The following DCAF6 variants were observed in gnomAD, a reference collection of about 807,000 sequenced individuals.
The protein encoded by DCAF6 is DDB1 and CUL4 associated factor 6, also known as DDB1- and CUL4-associated factor 6.
A neutral mutation model predicts 125.1 loss-of-function variants in DCAF6; 54 were observed. That is an observed-to-expected ratio of 0.43 (90% CI 0.35 to 0.54). DCAF6 has a LOEUF of 0.54. Ranked by LOEUF, DCAF6 falls within the 20% of genes least tolerant of loss-of-function variation. DCAF6 has a pLI of 0.01. For synonymous variants in DCAF6, 371 were observed against 390.4 expected (o/e 0.95, Z 0.58); for missense variants, 934 against 1,161.7 (o/e 0.80, Z 2.85).
At chr1:167,905,146 AG>A in the DCAF6 span, 4 of 1,614,246 alleles carry the variant, frequency 2.5e-6, no homozygotes, top group South Asian at 4.4e-5. Context: ...TTCATGTTCA[AG>A]ACAAATGTTC....
At chr1:167,889,199 T>C in the DCAF6 span, among the ~76,000 whole-genome samples, 3 of 152,226 alleles carry the variant, frequency 2.0e-5, no homozygotes, top group African/African-American at 7.2e-5. Flanking sequence ...ATTATGATAC[T>C]AGTGGTCGGT....
chr1:167,957,718 A>C (rs1241465982), intron 2 of DCAF6, among the ~76,000 whole-genome samples: 1 of 152,118 alleles, frequency 6.6e-6, no homozygotes, highest in Non-Finnish European at 1.5e-5. Context: ...ACTGTTTTCC[A>C]AAGAGCTGTA....
At chr1:167,995,446 G>A (rs965529759) in intron 7 of DCAF6, among the ~76,000 whole-genome samples, 3 of 152,208 alleles carry the variant, frequency 2.0e-5, no homozygotes, top group East Asian at 1.9e-4. Flanking sequence ...TTGGGAGGTC[G>A]AGGCGAGTGG....
chr1:167,999,433 C>T (rs1392590793), intron 7 of DCAF6, among the ~76,000 whole-genome samples: 1 of 152,160 alleles, frequency 6.6e-6, no homozygotes, highest in Non-Finnish European at 1.5e-5. Context: ...GCTTTGAAGG[C>T]AGGCATCAGC....
intron 4 of DCAF6, among the ~76,000 whole-genome samples, chr1:167,985,222 G>T (rs1190838709): frequency 7.2e-5 from 11 of 151,794 alleles, no homozygotes; most frequent in Non-Finnish European, 1.5e-4. Flanking sequence ...GTGTGTGTGT[G>T]TGTGGTGTGT....
At chr1:167,942,294 C>T (rs1267689714) in intron 1 of DCAF6, among the ~76,000 whole-genome samples, 2 of 152,076 alleles carry the variant, frequency 1.3e-5, no homozygotes, top group African/African-American at 4.8e-5. Flanking sequence ...GAACTCCTGA[C>T]CTCAGGTGAT....
At chr1:168,065,416 G>T (rs1175059772) in intron 18 of DCAF6, among the ~76,000 whole-genome samples, 174 bp from the exon 19 acceptor site, 1 of 151,872 alleles carries the variant, frequency 6.6e-6, no homozygotes, top group African/African-American at 2.4e-5. Flanking sequence ...CCAAAGTGCT[G>T]GGATTACAGG....
Position 168,045,180 on chromosome 1 carries a change from C to T in DCAF6, c.2211C>T (p.Asp737=). The change falls in exon 16 of 22, where the codon GAC becomes GAT. Residue 737 remains aspartate, a synonymous_variant. Coordinates refer to ENST00000367840, the MANE Select transcript of DCAF6 (RefSeq NM_001198956.2). The part of the protein sequence containing the change: ...ALQDTDDSDD[D]PVLIPGARYR... ...AGGACACAGATGACAGTGATGATGA[C>T]CCAGTCCTGATCCCAGGTGCAAGGT... The T allele has an allele frequency of 6.2e-7, 1 of 1,613,816 alleles. No homozygotes were observed. The highest frequency in any genetic ancestry group is 8.5e-7 in the Non-Finnish European group (1 of 1,179,892).
At position 168,043,060 on chromosome 1, in the gene DCAF6, G is replaced by A. The variant is rs1032606251; in HGVS notation, c.1763G>A (p.Ser588Asn). The change falls in exon 14 of 22, where the codon AGC (serine) becomes AAC (asparagine). Residue 588 changes from serine (S) to asparagine (N), a missense_variant. By Grantham distance (46) the Ser-to-Asn change is conservative. Coordinates refer to ENST00000367840, the MANE Select transcript of DCAF6 (RefSeq NM_001198956.2). Reference protein sequence around the residue: ...SIASSSRGIGSHCKSEGQEES... With the variant: ...SIASSSRGIGNHCKSEGQEES... ...GCATCAAGTTCTAGAGGAATTGGGA[G>A]CCATTGCAAATCTGAGGGTCAGGAG... 6.8e-6 allele frequency: 11 copies of A among 1,612,762 alleles called. No homozygotes were observed. The highest frequency in any genetic ancestry group is 1.7e-5 in the Admixed American group (1 of 59,844).
the DCAF6 span, among the ~76,000 whole-genome samples, chr1:167,928,486 A>G: frequency 6.6e-6 from 1 of 152,214 alleles, no homozygotes; most frequent in Admixed American, 6.5e-5. Context: ...ACATATATAA[A>G]ACAGATACAG....
rs151002295 is a variant in DCAF6, at chr1:168,068,586, TCTAAA to T, written c.2791+127_2791+131del. 3.0e-3 allele frequency: 1,310 copies of T among 432,274 alleles called. 17 individuals are homozygous for T. Among genetic ancestry groups the T allele is most frequent in the African/African-American group, 0.024 (1,186 of 48,796 alleles). 26.8% of individuals were successfully genotyped at this position (432,274 alleles called of 1,614,324 possible). A position where few individuals can be genotyped will look rare whatever the true frequency, so the allele number is the denominator to read the frequency against. On this transcript the variant is annotated intron_variant, in intron 21 of 21. Coordinates refer to ENST00000367840, the MANE Select transcript of DCAF6 (RefSeq NM_001198956.2). ...ATCACAAAATGAGGGTAGCTTAACT[TCTAAA>T]CTAGGATTTCTGTGAATGCTTGATC... is the stretch of plus-strand genomic sequence containing the variant.
chr1:168,075,460 A>C lies in DCAF6; in HGVS notation c.*25A>C. ...ATAAACTCTTTTTGGCAAGCACTTA[A>C]ATGTTCTGAAATTTGTATAAGACAT... On this transcript the variant is annotated 3_prime_UTR_variant, in exon 22 of 22. Transcript: ENST00000367840. 1 of 1,559,312 alleles carries C rather than the reference A, an allele frequency of 6.4e-7. No homozygotes were observed. Among genetic ancestry groups the C allele is most frequent in the Non-Finnish European group, 8.7e-7 (1 of 1,155,392 alleles).
At chr1:167,876,108 T>C in the DCAF6 span, among the ~76,000 whole-genome samples, 1 of 152,066 alleles carries the variant, frequency 6.6e-6, no homozygotes, top group East Asian at 1.9e-4. Context: ...AATACAAAAA[T>C]TAGCTGGGCG....
At chr1:167,880,842 GC>G in the DCAF6 span, among the ~76,000 whole-genome samples, 1 of 152,312 alleles carries the variant, frequency 6.6e-6, no homozygotes, top group Admixed American at 6.5e-5. Flanking sequence ...AGTGAATAGG[GC>G]TGAGCTATCT....
the DCAF6 span, among the ~76,000 whole-genome samples, chr1:167,884,002 G>A: frequency 6.6e-6 from 1 of 152,038 alleles, no homozygotes; most frequent in Non-Finnish European, 1.5e-5. Context: ...ATATATTTTT[G>A]TGTTACATGA....
chr1:167,882,687 G>C, the DCAF6 span, among the ~76,000 whole-genome samples: 1 of 151,814 alleles, frequency 6.6e-6, no homozygotes, highest in African/African-American at 2.4e-5. Flanking sequence ...CACTGAGCTG[G>C]AGACTTATGT....
intron 1 of DCAF6, 35 bp from the exon 2 acceptor site, chr1:167,951,765 G>A (rs1673985839): frequency 1.5e-6 from 2 of 1,345,170 alleles, no homozygotes; most frequent in African/African-American, 1.4e-5. Flanking sequence ...CAGTATTTGT[G>A]TGATTTATTT....
At chr1:167,979,074 T>G (rs1457650873) in intron 4 of DCAF6, among the ~76,000 whole-genome samples, 1 of 152,222 alleles carries the variant, frequency 6.6e-6, no homozygotes, top group Non-Finnish European at 1.5e-5. Context: ...TCTTCTACTT[T>G]AATTTCATTG....
At chr1:167,998,896 C>A (rs1374464965) in intron 7 of DCAF6, among the ~76,000 whole-genome samples, 1 of 151,982 alleles carries the variant, frequency 6.6e-6, no homozygotes, top group East Asian at 1.9e-4. Flanking sequence ...TAACTTCTTC[C>A]AAACTCCTGT....
Sources: gnomAD v4.1 joint callset for allele counts (sites outside exome capture counted in the v4.1 genomes callset) on GRCh38, gnomAD v4.1.1 for gene constraint, MANE v1.5 for transcripts, NCBI Gene and HGNC (gene_info 2026-07-23, HGNC 2026-07-21) for gene names.